RASGRF1: variants seen among roughly 807,000 people sequenced by gnomAD.
The protein encoded by RASGRF1 is Ras protein specific guanine nucleotide releasing factor 1.
Under a neutral mutation model 138.7 loss-of-function variants are expected in RASGRF1, and 40 were observed. That is an observed-to-expected ratio of 0.29 (90% CI 0.22 to 0.38). The LOEUF (loss-of-function observed/expected upper bound fraction) is 0.38. Among genes scored for constraint, RASGRF1 ranks in the 10% least tolerant of loss-of-function variants. The pLI is 1.00. For synonymous variants in RASGRF1, 614 were observed against 663.2 expected (o/e 0.93, Z 1.14); for missense variants, 1,108 against 1,650.4 (o/e 0.67, Z 5.69).
chr15:79,068,951 C>T (rs556875474), intron 1 of RASGRF1, among the ~76,000 whole-genome samples: 2 of 152,108 alleles, frequency 1.3e-5, no homozygotes, highest in Non-Finnish European at 2.9e-5. Context: ...AGATTCAGGT[C>T]TCAGGGAAAA....
Position 79,072,127 on chromosome 15 carries a change from C to T in RASGRF1, c.277-7601G>A, listed in dbSNP as rs532052054. Among the ~76,000 whole-genome samples, 3 of 152,258 alleles carry T rather than the reference C, an allele frequency of 2.0e-5. No homozygotes were observed. The South Asian group carries it at 6.2e-4, about 32-fold the overall frequency. ...AAGGCCCAAGCTCCAAAGCCTCAGT[C>T]AGGCCAGCTCAGCTCCCTGGAGCTC... On this transcript the variant is annotated intron_variant, in intron 1 of 26. Transcript: ENST00000558480.
chr15:79,010,944 G>A (rs547554230), intron 13 of RASGRF1, among the ~76,000 whole-genome samples: 2 of 152,186 alleles, frequency 1.3e-5, no homozygotes, highest in African/African-American at 2.4e-5. Context: ...CACGTGGGGC[G>A]TATACCTTTG....
chr15:79,073,604 A>C lies in RASGRF1; in HGVS notation c.277-9078T>G, dbSNP rs2057790787. On this transcript the variant is annotated intron_variant, in intron 1 of 26. Coordinates refer to ENST00000558480, the MANE Select transcript of RASGRF1 (RefSeq NM_001145648.3). This position sits in a 1 kb window ranked among gnomAD's most constrained non-coding sequence, Gnocchi z 4.2. Reference sequence around the variant, plus strand: ...CACGGGGTGCCGCTGAGTTGCACTGAGGGTGGGAAGCTAGAGGTGGCGTGT... The same window carrying C: ...CACGGGGTGCCGCTGAGTTGCACTGCGGGTGGGAAGCTAGAGGTGGCGTGT... Among the ~76,000 whole-genome samples the C allele has an allele frequency of 6.6e-6, 1 of 152,112 alleles. No homozygotes were observed. The highest frequency in any genetic ancestry group is 1.5e-5 in the Non-Finnish European group (1 of 68,018).
chr15:79,025,518 A>T, intron 9 of RASGRF1, 44 bp from the exon 10 acceptor site: 1 of 1,578,166 alleles, frequency 6.3e-7, no homozygotes, highest in Admixed American at 1.8e-5. Context: ...TCCTGGGGTG[A>T]CCTTTGCCTC....
In RASGRF1 at chr15:78,999,806, C is replaced by A; in HGVS notation, c.2683G>T (p.Ala895Ser). ...SAASAFAIAT[A>S]GANEGTPNKE... ...TTTGGGGTGCCCTCGTTGGCCCCGG[C>A]GGTTGCTATGGCAAAGGCAGAGGCG... Residue 895 changes from alanine to serine, a missense_variant, in exon 17 of 27, where the codon GCC becomes TCC. By Grantham distance (99) the Ala-to-Ser change is moderately conservative. Coordinates refer to ENST00000558480, the MANE Select transcript of RASGRF1 (RefSeq NM_001145648.3). The A allele has an allele frequency of 1.2e-6, 2 of 1,614,154 alleles. No individual in the cohort carries two copies. Among genetic ancestry groups the A allele is most frequent in the Non-Finnish European group, 1.7e-6 (2 of 1,180,014 alleles).
chr15:79,071,020 G>A (rs968642790), intron 1 of RASGRF1, among the ~76,000 whole-genome samples: 1 of 152,242 alleles, frequency 6.6e-6, no homozygotes, highest in Non-Finnish European at 1.5e-5. Flanking sequence ...ATCCTCTGCT[G>A]GTCTCCAGCC....
At chr15:78,994,924 ACCT>A (rs1567472010) in intron 20 of RASGRF1, among the ~76,000 whole-genome samples, 12 of 131,186 alleles carry the variant, frequency 9.1e-5, no homozygotes, top group Non-Finnish European at 8.0e-5. Flanking sequence ...CCCTTCCAGC[ACCT>A]TTTTTTTTTT....
At chr15:79,076,430 C>T (rs2057834625) in intron 1 of RASGRF1, among the ~76,000 whole-genome samples, 1 of 152,164 alleles carries the variant, frequency 6.6e-6, no homozygotes, top group African/African-American at 2.4e-5. Context: ...GGACTTCTCC[C>T]CTGCTCCTCA....
intron 14 of RASGRF1, chr15:79,005,570 C>T (rs1461429433): frequency 3.0e-6 from 3 of 986,346 alleles, no homozygotes; most frequent in Non-Finnish European, 3.6e-6. Flanking sequence ...CAGCCTTGGC[C>T]AAGTCCTTCA....
At chr15:79,008,797 C>T (rs2056736330) in intron 13 of RASGRF1, among the ~76,000 whole-genome samples, 2 of 152,188 alleles carry the variant, frequency 1.3e-5, no homozygotes, top group Non-Finnish European at 2.9e-5. Flanking sequence ...GAAGCCACGC[C>T]TGCTCATTTC....
chr15:79,054,104 G>A (rs2057475045), intron 3 of RASGRF1, among the ~76,000 whole-genome samples: 2 of 152,270 alleles, frequency 1.3e-5, no homozygotes, highest in South Asian at 2.1e-4. Flanking sequence ...GCTCTTGCAA[G>A]CTGGCATGAT....
intron 14 of RASGRF1, among the ~76,000 whole-genome samples, chr15:79,005,952 C>A (rs6495361): frequency 0.75 from 113,591 of 152,034 alleles, 42,558 homozygotes; most frequent in East Asian, 0.88. Flanking sequence ...GAGATGGAAG[C>A]AGCTGAGACT....
chr15:79,019,429 G>A lies in RASGRF1; in HGVS notation c.1606+612C>T, dbSNP rs183411535. Among the ~76,000 whole-genome samples, 466 of 152,194 alleles carry A rather than the reference G, an allele frequency of 3.1e-3. 3 individuals carry two copies. The highest frequency in any genetic ancestry group is 0.011 in the African/African-American group (447 of 41,524). Reference sequence around the variant, plus strand: ...CACAGCACCAAGGACTCTGCCCTCCGCACACTTCCCCATTCAGCCCCATTT... The same window carrying A: ...CACAGCACCAAGGACTCTGCCCTCCACACACTTCCCCATTCAGCCCCATTT... On this transcript the variant is annotated intron_variant, in intron 11 of 26. Transcript: ENST00000558480.
rs1567557508 is a variant in RASGRF1, at chr15:79,036,795, A to G, written c.879-1585T>C. 2.6e-5 allele frequency among the ~76,000 whole-genome samples: 4 copies of G among 152,190 alleles called. 1 individual carries two copies. In the South Asian group the frequency reaches 6.2e-4, roughly 24 times the overall value. ...AAGGGGTGAGGGAGATAAGAGAGGAAGGGAGGAAGAAAGGGAGGGAGAGAG... is the reference window on the plus strand; with the variant it reads ...AAGGGGTGAGGGAGATAAGAGAGGAGGGGAGGAAGAAAGGGAGGGAGAGAG... On this transcript the variant is annotated intron_variant, in intron 5 of 26. Coordinates refer to ENST00000558480, the MANE Select transcript of RASGRF1 (RefSeq NM_001145648.3).
chr15:78,970,247 G>A (rs540709256), intron 26 of RASGRF1, among the ~76,000 whole-genome samples: 17 of 152,218 alleles, frequency 1.1e-4, no homozygotes, highest in South Asian at 4.1e-4. Context: ...GAGGCTGGGC[G>A]TGGTGGTTCA....
At position 79,003,932 on chromosome 15, in the gene RASGRF1, C is replaced by T. The variant is rs1479682917; in HGVS notation, c.2319G>A (p.Met773Ile). The change falls in exon 15 of 27, where the codon ATG becomes ATA. Residue 773 changes from methionine (M) to isoleucine (I), a missense_variant. Physicochemically the swap from Met to Ile is conservative, Grantham distance 10. Around this residue, in one of 3 missense-constraint regions of RASGRF1, gnomAD observed 686 missense variants for 976.7 expected, o/e 0.70. Transcript: ENST00000558480. Reference sequence around the variant, plus strand: ...CCAGCGTGGCCTTGCTGAAGGGTGACATGGCCGAGTACATGCTGGTGTAGC... The same window carrying T: ...CCAGCGTGGCCTTGCTGAAGGGTGATATGGCCGAGTACATGCTGGTGTAGC... The part of the protein sequence containing the change: ...SNGYTSMYSA[M>I]SPFSKATLDT... 1 of 1,614,196 alleles carries T rather than the reference C, an allele frequency of 6.2e-7. No individual in the cohort carries two copies. Among genetic ancestry groups the T allele is most frequent in the East Asian group, 2.2e-5 (1 of 44,872 alleles).
At chr15:78,999,197 C>T (rs933760695) in intron 17 of RASGRF1, among the ~76,000 whole-genome samples, 5 of 152,056 alleles carry the variant, frequency 3.3e-5, no homozygotes, top group East Asian at 1.9e-4. Flanking sequence ...GGGAGCATGG[C>T]GGGACAGAGG....
intron 13 of RASGRF1, among the ~76,000 whole-genome samples, 187 bp downstream of exon 13, chr15:79,015,140 G>A (rs1468769771): frequency 6.6e-6 from 1 of 151,236 alleles, no homozygotes; most frequent in African/African-American, 2.4e-5. Context: ...CTAAGCCAAA[G>A]CAATCATCCA....
chr15:78,982,493 G>T lies in RASGRF1; in HGVS notation c.3415-1794C>A, dbSNP rs531349501. ...GAAGCAGTTCAAGCATCTTCTAGCTGGGCCAGGAGCTTCTATCCTGTGATG... is the reference window on the plus strand; with the variant it reads ...GAAGCAGTTCAAGCATCTTCTAGCTTGGCCAGGAGCTTCTATCCTGTGATG... On this transcript the variant is annotated intron_variant, in intron 23 of 26. Transcript: ENST00000558480. 2.5e-3 allele frequency among the ~76,000 whole-genome samples: 377 copies of T among 152,216 alleles called. 4 individuals are homozygous for T. Among genetic ancestry groups the T allele is most frequent in the African/African-American group, 8.1e-3 (337 of 41,536 alleles).
Sources: gnomAD v4.1 joint callset for allele counts (sites outside exome capture counted in the v4.1 genomes callset) on GRCh38, gnomAD v4.1.1 for gene constraint, gnomAD v4.1.1 regional missense constraint, Gnocchi (gnomAD v3.1) non-coding constraint, MANE v1.5 for transcripts, NCBI Gene and HGNC (gene_info 2026-07-23, HGNC 2026-07-21) for gene names.